The following AK9 variants were observed in gnomAD, a reference collection of about 807,000 sequenced individuals.
AK9 encodes adenylate kinase domain containing 1.
In AK9, 191 loss-of-function variants were observed where a neutral mutation model predicts 239.6. The ratio of observed to expected loss-of-function variants is 0.80; its 90% confidence interval spans 0.71 to 0.90. The LOEUF (loss-of-function observed/expected upper bound fraction) is 0.90. AK9 is among the 40% of genes least tolerant of loss of function. The pLI is 0.00. For synonymous variants in AK9, 689 were observed against 721.0 expected (o/e 0.96, Z 0.71); for missense variants, 1,995 against 2,214.7 (o/e 0.90, Z 1.99).
At chr6:109,540,956 C>G (rs1019843849) in intron 27 of AK9, among the ~76,000 whole-genome samples, 3 of 152,158 alleles carry the variant, frequency 2.0e-5, no homozygotes, top group African/African-American at 7.2e-5. Flanking sequence ...ATACTGTTAG[C>G]CTTCCAAACT....
chr6:109,656,210 C>T (rs866514596), intron 8 of AK9, among the ~76,000 whole-genome samples: 10 of 152,168 alleles, frequency 6.6e-5, no homozygotes, highest in African/African-American at 1.4e-4. Flanking sequence ...ATACGCTTTT[C>T]GCTACTTGTA....
At chr6:109,630,678 T>C (rs1796009050) in intron 12 of AK9, among the ~76,000 whole-genome samples, 3 of 151,814 alleles carry the variant, frequency 2.0e-5, no homozygotes, top group African/African-American at 4.8e-5. Flanking sequence ...ACCCCATCTC[T>C]ACAAAAAAAT....
chr6:109,519,222 G>A (rs1779582231), intron 29 of AK9, among the ~76,000 whole-genome samples: 1 of 152,176 alleles, frequency 6.6e-6, no homozygotes, highest in South Asian at 2.1e-4. Flanking sequence ...CACCACTGAT[G>A]AGCCCCTATG....
intron 1 of AK9, among the ~76,000 whole-genome samples, chr6:109,682,019 A>T (rs899123596): frequency 6.6e-6 from 1 of 152,220 alleles, no homozygotes; most frequent in African/African-American, 2.4e-5. Flanking sequence ...TAACATCACA[A>T]TTAAAAGAAC....
At chr6:109,565,476 T>TA (rs60673141) in intron 21 of AK9, among the ~76,000 whole-genome samples, 15,756 of 141,998 alleles carry the variant, frequency 0.11, 1,191 homozygotes, top group East Asian at 0.39. Context: ...ACCATCTCTT[T>TA]AAAAAAAAAT....
At chr6:109,659,197 A>T (rs774748623) in intron 7 of AK9, 31 bp downstream of exon 7, 35 of 1,494,908 alleles carry the variant, frequency 2.3e-5, no homozygotes, top group Non-Finnish European at 3.1e-5. Flanking sequence ...TAAAAAGTGT[A>T]GTGTATGGTA....
At chr6:109,603,875 C>T (rs1396895965) in intron 17 of AK9, among the ~76,000 whole-genome samples, 8 of 152,174 alleles carry the variant, frequency 5.3e-5, no homozygotes, top group Non-Finnish European at 8.8e-5. Context: ...CCGAGCCAGG[C>T]GCAGGATATA....
chr6:109,532,781 G>T (rs1022420215), intron 28 of AK9, among the ~76,000 whole-genome samples: 1 of 151,840 alleles, frequency 6.6e-6, no homozygotes, highest in Non-Finnish European at 1.5e-5. Context: ...TGGAATTGCT[G>T]GTTCCCTGTG....
At chr6:109,611,582 T>A (rs1263980486) in intron 16 of AK9, among the ~76,000 whole-genome samples, 2 of 152,216 alleles carry the variant, frequency 1.3e-5, no homozygotes, top group African/African-American at 4.8e-5. Flanking sequence ...TTTGTGTGTG[T>A]GCACTCGCAT....
intron 27 of AK9, among the ~76,000 whole-genome samples, chr6:109,534,251 A>C (rs553908974): frequency 2.8e-4 from 42 of 150,422 alleles, no homozygotes; most frequent in Middle Eastern, 6.9e-3. Context: ...AAGAATCAGG[A>C]TAATAACTGG....
chr6:109,565,636 T>C (rs1170668227), intron 21 of AK9, among the ~76,000 whole-genome samples: 1 of 152,196 alleles, frequency 6.6e-6, no homozygotes. Context: ...AAAACTGTTT[T>C]CCTGAAGGAT....
At chr6:109,573,732 T>C (rs979891656) in intron 20 of AK9, 138 bp from the exon 21 acceptor site, 16 of 768,714 alleles carry the variant, frequency 2.1e-5, no homozygotes, top group African/African-American at 7.1e-5. Context: ...ATGGGGGAGA[T>C]AGAAAAATTA....
chr6:109,555,509 T>C (rs191055977), intron 24 of AK9, among the ~76,000 whole-genome samples: 12 of 152,350 alleles, frequency 7.9e-5, no homozygotes, highest in Admixed American at 6.5e-4. Flanking sequence ...TATCGAGTTC[T>C]GTAGATGTCA....
intron 10 of AK9, among the ~76,000 whole-genome samples, chr6:109,636,750 T>TCACACACACA (rs57475668): frequency 0.11 from 14,412 of 135,410 alleles, 909 homozygotes; most frequent in Middle Eastern, 0.17. Context: ...TAATATTCCA[T>TCACACACACA]CACACACACA....
chr6:109,582,223 G>A (rs1195292978), intron 19 of AK9, among the ~76,000 whole-genome samples: 1 of 152,190 alleles, frequency 6.6e-6, no homozygotes, highest in Non-Finnish European at 1.5e-5. Context: ...ATGGATCAAA[G>A]AGTAATTTTG....
chr6:109,595,917 G>C (rs1790964596), intron 17 of AK9, among the ~76,000 whole-genome samples: 1 of 151,886 alleles, frequency 6.6e-6, no homozygotes, highest in Non-Finnish European at 1.5e-5. Flanking sequence ...GGGTTGATGG[G>C]TGCAGCAAAC....
intron 8 of AK9, among the ~76,000 whole-genome samples, chr6:109,649,026 T>C (rs1449840851): frequency 3.9e-5 from 6 of 152,164 alleles, no homozygotes; most frequent in African/African-American, 1.4e-4. Flanking sequence ...AAAAGGCCTT[T>C]GACAAAATTC....
At chr6:109,507,030 C>T (rs549615645) in intron 33 of AK9, among the ~76,000 whole-genome samples, 105 of 152,046 alleles carry the variant, frequency 6.9e-4, no homozygotes, top group Non-Finnish European at 1.1e-3. Flanking sequence ...AGAAGGTGGG[C>T]GTAGGAGAGA....
At chr6:109,601,976 C>A (rs145552543) in intron 17 of AK9, among the ~76,000 whole-genome samples, 2 of 152,104 alleles carry the variant, frequency 1.3e-5, no homozygotes, top group African/African-American at 4.8e-5. Context: ...TGTGTCTGCA[C>A]GTGAGATGGG....
Sources: gnomAD v4.1 joint callset for allele counts (sites outside exome capture counted in the v4.1 genomes callset) on GRCh38, gnomAD v4.1.1 for gene constraint, MANE v1.5 for transcripts, NCBI Gene and HGNC (gene_info 2026-07-23, HGNC 2026-07-21) for gene names.